Variants in LINGO2 observed in about 807,000 individuals in gnomAD.
LINGO2 encodes the protein leucine-rich repeat and immunoglobulin-like domain-containing nogo receptor-interacting protein 2.
LINGO2 carries 14 observed loss-of-function variants against 30.6 expected under a neutral mutation model. That is an observed-to-expected ratio of 0.46 (90% confidence interval 0.30 to 0.72). The LOEUF (loss-of-function observed/expected upper bound fraction) is 0.72. Ranked by LOEUF, LINGO2 falls within the 30% of genes least tolerant of loss-of-function variation. The pLI, the probability that LINGO2 is intolerant of heterozygous loss-of-function variation, is 0.07. For synonymous variants in LINGO2, 317 were observed against 288.5 expected (o/e 1.10, Z -1.00); for missense variants, 729 against 751.7 (o/e 0.97, Z 0.35).
intron 4 of LINGO2, among the ~76,000 whole-genome samples, chr9:28,053,210 T>C (rs1432448315): frequency 6.6e-6 from 1 of 152,036 alleles, no homozygotes; most frequent in East Asian, 1.9e-4. Flanking sequence ...ATGTAGCATT[T>C]ATACTGAGTC....
At chr9:29,209,812 G>C in the LINGO2 span, among the ~76,000 whole-genome samples, 84 of 152,168 alleles carry the variant, frequency 5.5e-4, 1 homozygote, top group East Asian at 0.015. Flanking sequence ...TTGGTTGAGG[G>C]CTATGACAAA....
chr9:28,802,362 T>C, the LINGO2 span, among the ~76,000 whole-genome samples: 24 of 152,054 alleles, frequency 1.6e-4, no homozygotes, highest in African/African-American at 5.1e-4. Flanking sequence ...CATGAATGGA[T>C]AGAAGAAAAA....
chr9:28,723,498 T>C, the LINGO2 span, among the ~76,000 whole-genome samples: 1 of 152,130 alleles, frequency 6.6e-6, no homozygotes, highest in South Asian at 2.1e-4. Flanking sequence ...GCCCAACCTA[T>C]CCCTTAGTGG....
At chr9:28,799,214 G>C in the LINGO2 span, among the ~76,000 whole-genome samples, 2 of 151,974 alleles carry the variant, frequency 1.3e-5, no homozygotes, top group African/African-American at 4.8e-5. Flanking sequence ...GAACCAGTAT[G>C]TCAATCATCA....
At chr9:28,573,482 T>A (rs1423699058) in intron 1 of LINGO2, among the ~76,000 whole-genome samples, 2 of 152,134 alleles carry the variant, frequency 1.3e-5, no homozygotes, top group Non-Finnish European at 2.9e-5. Context: ...GTAATTATGT[T>A]TTTAATTAAA....
At chr9:28,452,807 G>T (rs2135079785) in intron 2 of LINGO2, among the ~76,000 whole-genome samples, 1 of 151,934 alleles carries the variant, frequency 6.6e-6, no homozygotes, top group African/African-American at 2.4e-5. Flanking sequence ...GTACAAACAT[G>T]GGTAAGAGCC....
the LINGO2 span, among the ~76,000 whole-genome samples, chr9:28,972,858 A>G: frequency 6.6e-6 from 1 of 152,156 alleles, no homozygotes; most frequent in African/African-American, 2.4e-5. Flanking sequence ...CACTGTCACG[A>G]GAACAGCATG....
intron 1 of LINGO2, among the ~76,000 whole-genome samples, chr9:28,622,547 A>G (rs984622504): frequency 6.6e-6 from 1 of 151,946 alleles, no homozygotes; most frequent in Non-Finnish European, 1.5e-5. Context: ...TTGTAACTGA[A>G]TAGTGCTCCA....
chr9:28,808,376 T>G, the LINGO2 span, among the ~76,000 whole-genome samples: 1 of 152,230 alleles, frequency 6.6e-6, no homozygotes, highest in African/African-American at 2.4e-5. Flanking sequence ...TGACTTTTTT[T>G]GTTTTCAATG....
the LINGO2 span, among the ~76,000 whole-genome samples, chr9:28,677,482 G>A: frequency 6.6e-6 from 1 of 152,096 alleles, no homozygotes; most frequent in Non-Finnish European, 1.5e-5. Flanking sequence ...TATTTGTTGC[G>A]TGACTGATGG....
chr9:28,557,225 G>A (rs952598878), intron 1 of LINGO2, among the ~76,000 whole-genome samples: 2 of 151,848 alleles, frequency 1.3e-5, no homozygotes, highest in Non-Finnish European at 2.9e-5. Context: ...CAAAATGGGA[G>A]AAAATTTTCA....
intron 2 of LINGO2, among the ~76,000 whole-genome samples, chr9:28,439,603 T>G (rs80157278): frequency 0.017 from 2,557 of 152,202 alleles, 114 homozygotes; most frequent in Admixed American, 0.1. Flanking sequence ...ATATAGCACC[T>G]TCCCCTTCAC....
chr9:28,505,830 G>A (rs1435815263), intron 1 of LINGO2, among the ~76,000 whole-genome samples: 1 of 151,732 alleles, frequency 6.6e-6, no homozygotes, highest in Non-Finnish European at 1.5e-5. Context: ...CTTGCATTAG[G>A]TTTCACTCTT....
At chr9:29,113,459 A>C in the LINGO2 span, among the ~76,000 whole-genome samples, 1 of 151,850 alleles carries the variant, frequency 6.6e-6, no homozygotes, top group Non-Finnish European at 1.5e-5. Flanking sequence ...CATCCATGTC[A>C]ATTTTGGAGG....
At chr9:28,709,823 T>G in the LINGO2 span, among the ~76,000 whole-genome samples, 2 of 151,992 alleles carry the variant, frequency 1.3e-5, no homozygotes, top group Non-Finnish European at 2.9e-5. Context: ...GATTGATAAT[T>G]CAGGGCTATT....
the LINGO2 span, among the ~76,000 whole-genome samples, chr9:29,203,757 ACTTAGT>A: frequency 6.6e-6 from 1 of 152,162 alleles, no homozygotes; most frequent in Non-Finnish European, 1.5e-5. Flanking sequence ...TCCACACAGC[ACTTAGT>A]CTCACTCTTC....
intron 4 of LINGO2, among the ~76,000 whole-genome samples, chr9:28,085,939 T>C (rs542943655): frequency 2.0e-4 from 30 of 152,156 alleles, no homozygotes; most frequent in African/African-American, 7.2e-4. Flanking sequence ...GATAAATCAT[T>C]ATGTGAAACA....
intron 1 of LINGO2, among the ~76,000 whole-genome samples, chr9:28,648,580 T>C (rs1827945033): frequency 6.6e-6 from 1 of 152,080 alleles, no homozygotes; most frequent in Non-Finnish European, 1.5e-5. Context: ...TCTACAATTA[T>C]TCTCTAAAAT....
intron 4 of LINGO2, among the ~76,000 whole-genome samples, chr9:28,252,392 A>AT (rs1822234961): frequency 6.6e-6 from 1 of 151,954 alleles, no homozygotes; most frequent in Non-Finnish European, 1.5e-5. Context: ...TGCCTAGCTA[A>AT]TTTGTGTATT....
Sources: gnomAD v4.1 joint callset for allele counts (sites outside exome capture counted in the v4.1 genomes callset) on GRCh38, gnomAD v4.1.1 for gene constraint, MANE v1.5 for transcripts, NCBI Gene and HGNC (gene_info 2026-07-23, HGNC 2026-07-21) for gene names.